Variants in AKAP6 observed in about 807,000 individuals in gnomAD.
AKAP6 encodes A-kinase anchoring protein 6.
A neutral mutation model predicts 188.5 loss-of-function variants in AKAP6; 58 were observed. That is an observed-to-expected ratio of 0.31 (90% CI 0.25 to 0.38). The LOEUF is 0.38. Ranked by LOEUF, AKAP6 falls within the 10% of genes least tolerant of loss-of-function variation. AKAP6 has a pLI of 1.00. For missense variants in AKAP6, 2,710 were observed against 2,740.0 expected (o/e 0.99, Z 0.24); for synonymous variants, 989 against 998.6 (o/e 0.99, Z 0.18).
intron 7 of AKAP6, among the ~76,000 whole-genome samples, chr14:32,646,466 G>A (rs1386759943): frequency 3.9e-5 from 6 of 152,216 alleles, no homozygotes; most frequent in Non-Finnish European, 8.8e-5. Context: ...CTGCACGCAA[G>A]ATCTACCATA....
intron 12 of AKAP6, among the ~76,000 whole-genome samples, chr14:32,776,398 G>A (rs1039404194): frequency 1.4e-4 from 22 of 152,218 alleles, no homozygotes; most frequent in South Asian, 6.2e-4. Context: ...CTTGTCTGCT[G>A]CCATGTAAGA....
chr14:32,826,886 A>T (rs965187412), intron 13 of AKAP6, among the ~76,000 whole-genome samples: 1 of 152,124 alleles, frequency 6.6e-6, no homozygotes, highest in African/African-American at 2.4e-5. Flanking sequence ...TCTCGGGCAA[A>T]GGGAGAAACA....
intron 3 of AKAP6, among the ~76,000 whole-genome samples, chr14:32,540,168 C>CTCTCTCTCTCTATA (rs1240063339): frequency 1.6e-4 from 10 of 60,912 alleles, no homozygotes; most frequent in African/African-American, 9.8e-4. Context: ...CTCTCTCTCT[C>CTCTCTCTCTCTATA]TATATATATA....
At chr14:32,344,847 C>T (rs1032577657) in intron 1 of AKAP6, among the ~76,000 whole-genome samples, 2 of 142,516 alleles carry the variant, frequency 1.4e-5, no homozygotes, top group African/African-American at 2.6e-5. Context: ...ACCTGGGAGG[C>T]GGAGGTTGCA....
At chr14:32,723,514 A>C (rs1275272866) in intron 9 of AKAP6, among the ~76,000 whole-genome samples, 2 of 151,690 alleles carry the variant, frequency 1.3e-5, no homozygotes, top group African/African-American at 2.4e-5. Context: ...AACATAGAAC[A>C]ATTTTGAGAC....
chr14:32,583,689 C>T (rs1254823571), intron 5 of AKAP6, among the ~76,000 whole-genome samples: 2 of 152,106 alleles, frequency 1.3e-5, no homozygotes, highest in African/African-American at 2.4e-5. Flanking sequence ...GCGGGTGCCC[C>T]TCCCCCAGCC....
chr14:32,685,535 C>T (rs533623443), intron 8 of AKAP6, among the ~76,000 whole-genome samples: 52 of 151,762 alleles, frequency 3.4e-4, no homozygotes, highest in East Asian at 1.8e-3. Flanking sequence ...CCATCCTGGC[C>T]AACATGGTGA....
intron 7 of AKAP6, among the ~76,000 whole-genome samples, chr14:32,625,161 G>A (rs185383927): frequency 2.0e-5 from 3 of 152,006 alleles, no homozygotes; most frequent in Non-Finnish European, 4.4e-5. Flanking sequence ...ACTGTGAAAA[G>A]GTTTCATTTA....
intron 11 of AKAP6, among the ~76,000 whole-genome samples, chr14:32,745,077 C>G (rs1174882971): frequency 6.6e-6 from 1 of 152,110 alleles, no homozygotes; most frequent in Non-Finnish European, 1.5e-5. Flanking sequence ...GGTCACATAT[C>G]TCTGTTTCTC....
intron 7 of AKAP6, among the ~76,000 whole-genome samples, chr14:32,649,788 A>G (rs543028817): frequency 6.6e-6 from 1 of 152,324 alleles, no homozygotes; most frequent in Admixed American, 6.5e-5. Context: ...TCAGAATAAT[A>G]TAAAAAAGTA....
chr14:32,611,100 G>A (rs1003104696), intron 7 of AKAP6, among the ~76,000 whole-genome samples: 1 of 152,174 alleles, frequency 6.6e-6, no homozygotes, highest in Non-Finnish European at 1.5e-5. Flanking sequence ...AAAAGTAAGA[G>A]TGATAGTCTG....
intron 2 of AKAP6, among the ~76,000 whole-genome samples, chr14:32,481,190 C>T (rs1382385241): frequency 6.6e-5 from 10 of 152,104 alleles, no homozygotes; most frequent in Admixed American, 4.6e-4. Context: ...ATCTATAACC[C>T]GTGATTAGAT....
chr14:32,793,817 A>G (rs1358876991), intron 12 of AKAP6, among the ~76,000 whole-genome samples: 1 of 151,902 alleles, frequency 6.6e-6, no homozygotes, highest in Non-Finnish European at 1.5e-5. Context: ...CTAAATATAT[A>G]TGCACCCTAT....
intron 2 of AKAP6, among the ~76,000 whole-genome samples, chr14:32,457,634 C>G (rs1199188896): frequency 6.6e-6 from 1 of 152,168 alleles, no homozygotes; most frequent in African/African-American, 2.4e-5. Flanking sequence ...AAATTCCTCC[C>G]TGTGTGCTGC....
At chr14:32,597,593 C>G (rs1885757761) in intron 5 of AKAP6, among the ~76,000 whole-genome samples, 1 of 152,062 alleles carries the variant, frequency 6.6e-6, no homozygotes, top group African/African-American at 2.4e-5. Flanking sequence ...ATGAGGCTTC[C>G]CATACATTGC....
intron 9 of AKAP6, among the ~76,000 whole-genome samples, chr14:32,730,612 C>A (rs371492337): frequency 4.3e-4 from 66 of 152,042 alleles, no homozygotes; most frequent in East Asian, 5.8e-4. Context: ...AGAGGCCATT[C>A]CCAAGTGGCA....
In AKAP6 at chr14:32,545,301, G is replaced by T. The variant is rs1314886957; in HGVS notation, c.648G>T (p.Leu216Phe). 6 of 1,614,148 alleles carry T rather than the reference G, an allele frequency of 3.7e-6. No homozygotes were observed. The African/African-American group carries it at 8.0e-5, about 22-fold the overall frequency. The change falls in exon 4 of 14, where the codon TTG becomes TTT. Residue 216 changes from leucine (L) to phenylalanine (F), a missense_variant. Transcript: ENST00000280979. Reference protein sequence around the residue: ...QLTIKCSQNYLSLDCGITAFE... With the variant: ...QLTIKCSQNYFSLDCGITAFE... The stretch of plus-strand genomic sequence containing the variant: ...CCATCAAATGTTCTCAAAATTACTT[G>T]TCTCTGGATTGTGGCATTACTGCAT...
At chr14:32,818,923 C>G (rs778031815) in intron 12 of AKAP6, among the ~76,000 whole-genome samples, 1 of 152,202 alleles carries the variant, frequency 6.6e-6, no homozygotes, top group Non-Finnish European at 1.5e-5. Context: ...TTAGCACTCT[C>G]AGAGTACAGT....
At chr14:32,349,404 T>C (rs936587352) in intron 1 of AKAP6, among the ~76,000 whole-genome samples, 1 of 152,188 alleles carries the variant, frequency 6.6e-6, no homozygotes, top group South Asian at 2.1e-4. Flanking sequence ...AGGGAAAATG[T>C]TTTATGGTGA....
Sources: gnomAD v4.1 joint callset for allele counts (sites outside exome capture counted in the v4.1 genomes callset) on GRCh38, gnomAD v4.1.1 for gene constraint, MANE v1.5 for transcripts, NCBI Gene and HGNC (gene_info 2026-07-23, HGNC 2026-07-21) for gene names.